RAD51B: variants seen among roughly 807,000 people sequenced by gnomAD.
The protein encoded by RAD51B is DNA repair protein RAD51 homolog 2.
Under a neutral mutation model 42.2 loss-of-function variants are expected in RAD51B, and 38 were observed. That is an observed-to-expected ratio of 0.90 (90% CI 0.70 to 1.18). The LOEUF (loss-of-function observed/expected upper bound fraction) is 1.18. Among genes scored for constraint, RAD51B ranks in the 50% most tolerant of loss-of-function variants. The pLI, the probability that RAD51B is intolerant of heterozygous loss-of-function variation, is 0.00. For synonymous variants in RAD51B, 154 were observed against 145.2 expected (o/e 1.06, Z -0.43); for missense variants, 373 against 400.7 (o/e 0.93, Z 0.59).
intron 11 of RAD51B, among the ~76,000 whole-genome samples, chr14:68,682,341 T>C (rs2140164980): frequency 6.6e-6 from 1 of 152,248 alleles, no homozygotes; most frequent in South Asian, 2.1e-4. Context: ...CCATCTGATC[T>C]CTAGAAAAAC....
At chr14:67,894,342 G>C (rs1247050078) in intron 7 of RAD51B, among the ~76,000 whole-genome samples, 1 of 152,176 alleles carries the variant, frequency 6.6e-6, no homozygotes, top group East Asian at 1.9e-4. Context: ...CCCTCTGTCT[G>C]TCTTACTGGT....
chr14:67,928,175 TACTC>T (rs775885016), intron 7 of RAD51B, among the ~76,000 whole-genome samples: 9 of 152,174 alleles, frequency 5.9e-5, no homozygotes, highest in Non-Finnish European at 1.3e-4. Flanking sequence ...TCAATCTTGA[TACTC>T]ATTATGTTCA....
intron 8 of RAD51B, among the ~76,000 whole-genome samples, chr14:68,399,057 C>A (rs1229554826): frequency 6.6e-6 from 1 of 152,098 alleles, no homozygotes; most frequent in Non-Finnish European, 1.5e-5. Context: ...TGTATAGAAA[C>A]ATATGAATGC....
intron 10 of RAD51B, among the ~76,000 whole-genome samples, chr14:68,536,211 T>C (rs958090708): frequency 2.0e-5 from 3 of 152,132 alleles, no homozygotes; most frequent in Non-Finnish European, 4.4e-5. Flanking sequence ...TTGGCCCAAC[T>C]TGGGTCAAAA....
chr14:67,956,959 G>A (rs114640828), intron 7 of RAD51B, among the ~76,000 whole-genome samples: 9,112 of 152,234 alleles, frequency 0.06, 642 homozygotes, highest in African/African-American at 0.17. Flanking sequence ...GGACAGGCTT[G>A]TCCTTCATCT....
intron 7 of RAD51B, among the ~76,000 whole-genome samples, chr14:68,183,137 C>A (rs2079086472): frequency 6.6e-6 from 1 of 152,112 alleles, no homozygotes; most frequent in African/African-American, 2.4e-5. Flanking sequence ...TATTGACTCA[C>A]ACGATCACAA....
At position 68,145,995 on chromosome 14, in the gene RAD51B, C is replaced by T. The variant is rs184665201; in HGVS notation, c.757-145889C>T. On this transcript the variant is annotated intron_variant, in intron 7 of 10. Coordinates refer to ENST00000471583, the MANE Select transcript of RAD51B (RefSeq NM_133510.4). ...TGAACAGCTTCAGTGTGAAATTATA[C>T]GTACTTGGTCTGAGTATAGGTAGAA... 4.1e-4 allele frequency among the ~76,000 whole-genome samples: 62 copies of T among 152,224 alleles called. 2 individuals carry two copies. The highest frequency in any genetic ancestry group is 6.8e-3 in the Middle Eastern group (2 of 294).
At chr14:68,656,296 C>T (rs111830576) in intron 11 of RAD51B, among the ~76,000 whole-genome samples, 1 of 152,184 alleles carries the variant, frequency 6.6e-6, no homozygotes, top group Non-Finnish European at 1.5e-5. Context: ...TCTCAGCCCA[C>T]CCACAGAGAT....
rs200741476 is a variant in RAD51B, at chr14:67,865,123, G to A, written c.436G>A (p.Ala146Thr). Reference protein sequence around the residue: ...GAVVYIDTESAFSAERLVEIA... With the variant: ...GAVVYIDTESTFSAERLVEIA... The stretch of plus-strand genomic sequence containing the variant: ...TGTGGTGTACATTGACACAGAGTCT[G>A]CATTTAGTGCTGAAAGGTATGAGAT... The change falls in exon 5 of 11, where the codon GCA (alanine) becomes ACA (threonine). Residue 146 changes from alanine to threonine, a missense_variant. Transcript: ENST00000471583. 1.3e-4 allele frequency: 200 copies of A among 1,597,808 alleles called. No individual in the cohort carries two copies. Among genetic ancestry groups the A allele is most frequent in the Non-Finnish European group, 1.7e-4 (196 of 1,173,504 alleles).
chr14:68,206,609 G>A (rs1274645), intron 7 of RAD51B, among the ~76,000 whole-genome samples: 26,020 of 151,706 alleles, frequency 0.17, 2,374 homozygotes, highest in Middle Eastern at 0.35. Flanking sequence ...TACTGTACCA[G>A]ATCATTTTGG....
chr14:68,669,336 G>A (rs1893103039), intron 11 of RAD51B, among the ~76,000 whole-genome samples: 1 of 152,146 alleles, frequency 6.6e-6, no homozygotes, highest in Non-Finnish European at 1.5e-5. Context: ...AGCCCTAACT[G>A]CCTCCCTGCC....
At chr14:68,451,501 T>C (rs1268792600) in intron 9 of RAD51B, among the ~76,000 whole-genome samples, 1 of 152,228 alleles carries the variant, frequency 6.6e-6, no homozygotes, top group Admixed American at 6.5e-5. Flanking sequence ...TCCTCCATCT[T>C]ACTGAAACTA....
chr14:68,516,378 T>A (rs1442631624), intron 10 of RAD51B, among the ~76,000 whole-genome samples: 1 of 152,230 alleles, frequency 6.6e-6, no homozygotes, highest in Non-Finnish European at 1.5e-5. Flanking sequence ...AGAGTGACAG[T>A]GTTTTACATT....
At chr14:67,891,950 T>A (rs2043232312) in intron 7 of RAD51B, among the ~76,000 whole-genome samples, 1 of 152,200 alleles carries the variant, frequency 6.6e-6, no homozygotes, top group African/African-American at 2.4e-5. Context: ...TCACTCTGAT[T>A]GTAAAGTAGG....
chr14:67,850,486 G>A (rs1055529781), intron 4 of RAD51B, among the ~76,000 whole-genome samples: 1 of 152,110 alleles, frequency 6.6e-6, no homozygotes, highest in Non-Finnish European at 1.5e-5. Context: ...ATATTGGGCT[G>A]TGGAGTTCAA....
intron 8 of RAD51B, chr14:68,338,997 T>A (rs1355625607): frequency 6.1e-6 from 4 of 657,008 alleles, no homozygotes; most frequent in Non-Finnish European, 1.1e-5. Context: ...AGGGACCCCC[T>A]TTTTACAACA....
intron 8 of RAD51B, among the ~76,000 whole-genome samples, chr14:68,371,589 C>T (rs1027527218): frequency 7.2e-5 from 11 of 152,306 alleles, no homozygotes; most frequent in Middle Eastern, 6.8e-3. Flanking sequence ...GTGGTGGCTT[C>T]CAGCACTTTG....
intron 7 of RAD51B, among the ~76,000 whole-genome samples, chr14:68,025,476 C>CTTT (rs765471138): frequency 4.4e-4 from 18 of 40,964 alleles, no homozygotes; most frequent in Non-Finnish European, 5.2e-4. Flanking sequence ...CTGGTCTAGG[C>CTTT]TTTTTTTTTT....
At chr14:68,001,765 C>T (rs146894012) in intron 7 of RAD51B, among the ~76,000 whole-genome samples, 1 of 152,106 alleles carries the variant, frequency 6.6e-6, no homozygotes, top group Non-Finnish European at 1.5e-5. Flanking sequence ...TTCTCATCAT[C>T]CAGCTCCTAC....
Sources: allele counts gnomAD v4.1 joint callset (sites outside exome capture counted in the v4.1 genomes callset), GRCh38; gene constraint gnomAD v4.1.1; transcripts MANE v1.5; gene names NCBI Gene and HGNC (gene_info 2026-07-23, HGNC 2026-07-21).